Variants in EIF2AK2 observed in about 807,000 individuals in gnomAD.
The protein encoded by EIF2AK2 is eukaryotic translation initiation factor 2 alpha kinase 2.
EIF2AK2 carries 40 observed loss-of-function variants against 70.5 expected under a neutral mutation model. That is an observed-to-expected ratio of 0.57 (90% CI 0.44 to 0.74). EIF2AK2 has a LOEUF of 0.74. Ranked by LOEUF, EIF2AK2 falls within the 30% of genes least tolerant of loss-of-function variation. The pLI, the probability that EIF2AK2 is intolerant of heterozygous loss-of-function variation, is 0.00. For missense variants in EIF2AK2, 555 were observed against 644.3 expected, an observed-to-expected ratio of 0.86 and a Z score of 1.50; for synonymous variants, 198 against 220.9, an observed-to-expected ratio of 0.90 and a Z score of 0.92.
At chr2:37,146,701 G>T (rs1396421248) in intron 4 of EIF2AK2, 152 bp downstream of exon 4, 10 of 938,642 alleles carry the variant, frequency 1.1e-5, no homozygotes, top group Non-Finnish European at 1.4e-5. Flanking sequence ...GGGTTTCATA[G>T]AAATGAAGAT....
rs967291254 is a variant in EIF2AK2, at chr2:37,101,477, T to C, written c.*5796A>G. The C allele has an allele frequency of 4.6e-5, 7 of 152,238 alleles. No homozygotes were observed. Among genetic ancestry groups the C allele is most frequent in the East Asian group, 1.9e-4 (1 of 5,198 alleles). 9.4% of individuals were successfully genotyped at this position (152,238 alleles called of 1,614,324 possible). On this transcript the variant is annotated 3_prime_UTR_variant, in exon 17 of 17. Transcript: ENST00000233057. The stretch of plus-strand genomic sequence containing the variant: ...TAGTAGTTGGTACCACCAGAACTCA[T>C]TGATCAATATTAAAATCACTGAAAG...
intron 10 of EIF2AK2, among the ~76,000 whole-genome samples, chr2:37,133,283 T>C (rs548276781): frequency 6.6e-5 from 10 of 152,306 alleles, no homozygotes; most frequent in Admixed American, 1.3e-4. Context: ...GTTTTGAGCA[T>C]AAGTATTTGA....
In EIF2AK2 at chr2:37,101,292, G is replaced by A. The variant is rs1394377381; in HGVS notation, c.*5981C>T. On this transcript the variant is annotated 3_prime_UTR_variant, in exon 17 of 17. Transcript: ENST00000233057. ...ATCGCATCTTTCCCATTCAGATTTA[G>A]AGAAAGTTCCTTAAAGAAGAATCAT... 2 of 152,184 alleles carry A rather than the reference G, an allele frequency of 1.3e-5. No individual in the cohort carries two copies. Among genetic ancestry groups the A allele is most frequent in the African/African-American group, 4.8e-5 (2 of 41,458 alleles). 9.4% of individuals were successfully genotyped at this position (152,184 alleles called of 1,614,324 possible).
At chr2:37,132,826 A>G (rs532192260) in intron 10 of EIF2AK2, among the ~76,000 whole-genome samples, 1 of 152,282 alleles carries the variant, frequency 6.6e-6, no homozygotes, top group South Asian at 2.1e-4. Flanking sequence ...CCAAGACAAG[A>G]CTGGGAAATT....
chr2:37,142,930 A>C (rs567837499), intron 4 of EIF2AK2, among the ~76,000 whole-genome samples: 2 of 152,110 alleles, frequency 1.3e-5, no homozygotes, highest in Non-Finnish European at 2.9e-5. Context: ...CAGTACTTTC[A>C]TAAGAATCAA....
intron 13 of EIF2AK2, among the ~76,000 whole-genome samples, chr2:37,117,211 CAAAAAAA>C (rs534964659): frequency 9.0e-5 from 4 of 44,234 alleles, no homozygotes; most frequent in East Asian, 6.4e-4. Flanking sequence ...GACTCTGTCT[CAAAAAAA>C]AAAAAAAAAG....
At chr2:37,156,398 G>GGGGGTGGAGGTTC (rs1675928843) in intron 1 of EIF2AK2, among the ~76,000 whole-genome samples, 1 of 152,174 alleles carries the variant, frequency 6.6e-6, no homozygotes, top group South Asian at 2.1e-4. Flanking sequence ...AGAAGAGGTA[G>GGGGGTGGAGGTTC]GGGGTGGAGG....
At chr2:37,111,861 CAAAAA>C (rs1196685884) in intron 14 of EIF2AK2, among the ~76,000 whole-genome samples, 2 of 32,102 alleles carry the variant, frequency 6.2e-5, no homozygotes, top group African/African-American at 2.6e-4. Context: ...GACCCTGTCT[CAAAAA>C]AAAAAAAAAA....
chr2:37,121,290 A>T (rs1355649268), intron 12 of EIF2AK2, among the ~76,000 whole-genome samples: 5 of 149,072 alleles, frequency 3.4e-5, no homozygotes, highest in African/African-American at 1.2e-4. Flanking sequence ...AAAAAACGAG[A>T]AGAAAAAAAA....
chr2:37,142,132 ATTTT>A (rs1183250049), intron 4 of EIF2AK2, among the ~76,000 whole-genome samples: 1 of 148,732 alleles, frequency 6.7e-6, no homozygotes, highest in Non-Finnish European at 1.5e-5. Flanking sequence ...AAGTTTTGAT[ATTTT>A]TTTAATTTTT....
At chr2:37,134,001 A>G (rs562427075) in intron 10 of EIF2AK2, among the ~76,000 whole-genome samples, 62 of 152,254 alleles carry the variant, frequency 4.1e-4, no homozygotes, top group African/African-American at 1.5e-3. Context: ...AACCTTACAC[A>G]ACCCCTCTTG....
chr2:37,100,147 TGAA>T lies in EIF2AK2; in HGVS notation c.*7123_*7125del, dbSNP rs941949134. 3.3e-5 allele frequency: 5 copies of T among 151,050 alleles called. No individual in the cohort carries two copies. Among genetic ancestry groups the T allele is most frequent in the Non-Finnish European group, 5.9e-5 (4 of 67,796 alleles). The allele number at this position is 151,050 out of a possible 1,614,324, so 9.4% of individuals were successfully genotyped here. A position where few individuals can be genotyped will look rare whatever the true frequency, so the allele number is the denominator to read the frequency against. On this transcript the variant is annotated 3_prime_UTR_variant, in exon 17 of 17. Coordinates refer to ENST00000233057, the MANE Select transcript of EIF2AK2 (RefSeq NM_001135651.3). The stretch of plus-strand genomic sequence containing the variant: ...AATAAAGCAGTTATTAAAAAAAAAA[TGAA>T]GAGAATTTCAGATAGAAACCACAGG...
In EIF2AK2 at chr2:37,103,711, C is replaced by T. The variant is rs1673884637; in HGVS notation, c.*3562G>A. On this transcript the variant is annotated 3_prime_UTR_variant, in exon 17 of 17. Coordinates refer to ENST00000233057, the MANE Select transcript of EIF2AK2 (RefSeq NM_001135651.3). ...ACCTGTGTACTGTCATCTAGATTTA[C>T]CAATTGTACAATGGCTAATATTTTG... 6.6e-6 allele frequency: 1 copy of T among 152,154 alleles called. No homozygotes were observed. The highest frequency in any genetic ancestry group is 2.4e-5 in the African/African-American group (1 of 41,410). The allele number at this position is 152,154 out of a possible 1,614,324, so 9.4% of individuals were successfully genotyped here. A position where few individuals can be genotyped will look rare whatever the true frequency, so the allele number is the denominator to read the frequency against.
At chr2:37,116,196 G>A (rs1158090993) in intron 13 of EIF2AK2, among the ~76,000 whole-genome samples, 1 of 152,090 alleles carries the variant, frequency 6.6e-6, no homozygotes, top group Non-Finnish European at 1.5e-5. Context: ...ACCACGCCCA[G>A]CCCATAGGAG....
rs769906481 is a variant in EIF2AK2, at chr2:37,145,898, G to A, written c.240+955C>T. ...CTCCCAAGTAGCTGGGATTACAGGCGTCCACCACCACGCCCAGCTAATTTT... is the reference window on the plus strand; with the variant it reads ...CTCCCAAGTAGCTGGGATTACAGGCATCCACCACCACGCCCAGCTAATTTT... On this transcript the variant is annotated intron_variant, in intron 4 of 16. Coordinates refer to ENST00000233057, the MANE Select transcript of EIF2AK2 (RefSeq NM_001135651.3). Among the ~76,000 whole-genome samples, 52 of 150,966 alleles carry A rather than the reference G, an allele frequency of 3.4e-4. 1 individual carries two copies. The highest frequency in any genetic ancestry group is 1.3e-3 in the South Asian group (6 of 4,770).
At chr2:37,110,352 T>C (rs535504738) in intron 14 of EIF2AK2, among the ~76,000 whole-genome samples, 47 of 151,454 alleles carry the variant, frequency 3.1e-4, no homozygotes, top group African/African-American at 9.7e-4. Context: ...CACCTCAGCC[T>C]CCCAAAGTGT....
At chr2:37,126,602 C>G (rs1362566638) in intron 10 of EIF2AK2, among the ~76,000 whole-genome samples, 191 bp from the exon 11 acceptor site, 1 of 152,048 alleles carries the variant, frequency 6.6e-6, no homozygotes, top group Non-Finnish European at 1.5e-5. Flanking sequence ...TCACTCCTCC[C>G]AGGGCAAGTC....
At chr2:37,155,287 C>T (rs1181856454) in intron 1 of EIF2AK2, among the ~76,000 whole-genome samples, 2 of 152,128 alleles carry the variant, frequency 1.3e-5, no homozygotes, top group Non-Finnish European at 2.9e-5. Context: ...AGTGCTCATC[C>T]CCTTTATTAA....
chr2:37,151,921 C>T (rs1051829234), intron 1 of EIF2AK2, among the ~76,000 whole-genome samples: 1 of 152,222 alleles, frequency 6.6e-6, no homozygotes, highest in Non-Finnish European at 1.5e-5. Context: ...AAAAAATTAG[C>T]CGGGCGCGGT....
Sources: gnomAD v4.1 joint callset for allele counts (sites outside exome capture counted in the v4.1 genomes callset) on GRCh38, gnomAD v4.1.1 for gene constraint, MANE v1.5 for transcripts, NCBI Gene and HGNC (gene_info 2026-07-23, HGNC 2026-07-21) for gene names.